Variants in BRWD3 observed in about 807,000 individuals in gnomAD.
The protein encoded by BRWD3 is bromodomain and WD repeat-containing protein 3.
A neutral mutation model predicts 149.7 loss-of-function variants in BRWD3; 10 were observed. That is an observed-to-expected ratio of 0.07 (90% CI 0.04 to 0.11). The LOEUF (loss-of-function observed/expected upper bound fraction) is 0.11. Ranked by LOEUF, BRWD3 falls within the 10% of genes least tolerant of loss-of-function variation. The pLI is 1.00. For synonymous variants in BRWD3, 504 were observed against 456.7 expected, an observed-to-expected ratio of 1.10 and a Z score of -1.32; for missense variants, 940 against 1,373.2, an observed-to-expected ratio of 0.68 and a Z score of 4.99.
chrX:80,733,607 T>C, intron 11 of BRWD3, 111 bp from the exon 12 acceptor site: 3 of 601,986 alleles, frequency 5.0e-6, no homozygotes, highest in East Asian at 3.5e-5. Context: ...TTTTTTTTTT[T>C]TTAATTTCAA....
chrX:80,727,123 C>T (rs900140459), intron 14 of BRWD3, among the ~76,000 whole-genome samples: 6 of 109,527 alleles, frequency 5.5e-5, no homozygotes, highest in African/African-American at 2.0e-4. Flanking sequence ...TTATCATCTG[C>T]CATATTTGTA....
chrX:80,684,414 T>C (rs907897146), intron 36 of BRWD3, among the ~76,000 whole-genome samples: 3 of 111,902 alleles, frequency 2.7e-5, no homozygotes, highest in Non-Finnish European at 3.8e-5. Flanking sequence ...AGAAAATCCA[T>C]AGCCGTTGGC....
intron 11 of BRWD3, among the ~76,000 whole-genome samples, chrX:80,733,857 AAAT>A (rs1339569658): frequency 8.9e-6 from 1 of 111,840 alleles, no homozygotes; most frequent in African/African-American, 3.2e-5. Context: ...GTTTGAAAAT[AAAT>A]CAATCATTTC....
chrX:80,703,836 AC>A (rs1355085553), intron 23 of BRWD3, among the ~76,000 whole-genome samples: 1 of 111,874 alleles, frequency 8.9e-6, no homozygotes, highest in Non-Finnish European at 1.9e-5. Context: ...CTACCTGAAA[AC>A]CATAACTTTT....
chrX:80,731,953 T>C (rs1162852861), intron 12 of BRWD3, among the ~76,000 whole-genome samples: 1 of 97,314 alleles, frequency 1.0e-5, no homozygotes, highest in African/African-American at 3.8e-5. Context: ...GCTAGCTGAA[T>C]CCAAAATTCT....
intron 40 of BRWD3, among the ~76,000 whole-genome samples, chrX:80,678,013 G>C (rs890811860): frequency 3.6e-5 from 4 of 111,240 alleles, no homozygotes; most frequent in Non-Finnish European, 5.7e-5. Context: ...TAGAAAAACA[G>C]TGAGTAGTAG....
intron 6 of BRWD3, among the ~76,000 whole-genome samples, chrX:80,761,157 A>C (rs1316834313): frequency 4.5e-5 from 5 of 112,166 alleles, no homozygotes. Flanking sequence ...ATCCAAATCA[A>C]GAAATTATTA....
chrX:80,712,386 A>G (rs1196799155), intron 20 of BRWD3, among the ~76,000 whole-genome samples: 3 of 110,275 alleles, frequency 2.7e-5, no homozygotes, highest in African/African-American at 9.9e-5. Flanking sequence ...CCTAATCGCG[A>G]GTGATCCGCA....
chrX:80,702,503 C>T (rs2072805515), intron 24 of BRWD3, among the ~76,000 whole-genome samples: 1 of 112,115 alleles, frequency 8.9e-6, no homozygotes, highest in African/African-American at 3.2e-5. Flanking sequence ...TTGATATATG[C>T]CAATAAAATT....
intron 34 of BRWD3, 72 bp downstream of exon 34, chrX:80,687,997 G>T (rs2072557062): frequency 1.3e-6 from 1 of 760,948 alleles, no homozygotes; most frequent in Non-Finnish European, 2.1e-6. Flanking sequence ...CCAAATATGG[G>T]GTTGGTCTTA....
chrX:80,712,513 C>G lies in BRWD3; in HGVS notation c.2326-2936G>C, dbSNP rs759706159. Among the ~76,000 whole-genome samples, 3 of 110,790 alleles carry G rather than the reference C, an allele frequency of 2.7e-5. No individual in the cohort carries two copies. The East Asian group carries it at 8.6e-4, about 32-fold the overall frequency. On this transcript the variant is annotated intron_variant, in intron 20 of 40. Coordinates refer to ENST00000373275, the MANE Select transcript of BRWD3 (RefSeq NM_153252.5). Reference sequence around the variant, plus strand: ...TCGGCTCGCTACAACCTCCACCTCCCAGCCGCCTGCCTTGGCCTCCCAAAG... The same window carrying G: ...TCGGCTCGCTACAACCTCCACCTCCGAGCCGCCTGCCTTGGCCTCCCAAAG...
intron 4 of BRWD3, among the ~76,000 whole-genome samples, chrX:80,794,036 G>A (rs2074210447): frequency 9.0e-6 from 1 of 110,569 alleles, no homozygotes; most frequent in Non-Finnish European, 1.9e-5. Context: ...AAATTAGCCA[G>A]GCGTGGTGCT....
intron 4 of BRWD3, among the ~76,000 whole-genome samples, chrX:80,804,895 C>A (rs1449206707): frequency 1.8e-5 from 2 of 112,234 alleles, no homozygotes; most frequent in Non-Finnish European, 3.8e-5. Context: ...GAAACAATCA[C>A]AACTTCAAAA....
chrX:80,793,496 AAAC>A (rs2074205587), intron 5 of BRWD3, 123 bp downstream of exon 5: 8 of 778,474 alleles, frequency 1.0e-5, no homozygotes, highest in Non-Finnish European at 1.5e-5. Flanking sequence ...AAGAAAACAA[AAAC>A]AACATTGGCA....
At chrX:80,702,105 G>T (rs778504509) in intron 24 of BRWD3, among the ~76,000 whole-genome samples, 1 of 111,904 alleles carries the variant, frequency 8.9e-6, no homozygotes, top group Admixed American at 9.5e-5. Context: ...GACAATGAAG[G>T]CTTAATATTA....
intron 6 of BRWD3, among the ~76,000 whole-genome samples, chrX:80,764,472 ATT>A (rs58148585): frequency 2.0e-5 from 2 of 100,879 alleles, no homozygotes; most frequent in Admixed American, 1.1e-4. Flanking sequence ...CGCCTGGATA[ATT>A]TTTTTTTTTT....
Position 80,774,305 on chromosome X carries a change from C to T in BRWD3, c.430+17549G>A, listed in dbSNP as rs771165731. ...TTTTTGAGACAGGGTCTTGCTCTGT[C>T]ACCCAGGCTGCAGTGTACTGGCACA... On this transcript the variant is annotated intron_variant, in intron 6 of 40. Coordinates refer to ENST00000373275, the MANE Select transcript of BRWD3 (RefSeq NM_153252.5). 5.3e-4 allele frequency among the ~76,000 whole-genome samples: 57 copies of T among 108,334 alleles called. 1 individual carries two copies. Among genetic ancestry groups the T allele is most frequent in the Middle Eastern group, 8.5e-3 (2 of 234 alleles). The allele number at this position is 108,334 out of a possible 115,157, so 94.1% of individuals were successfully genotyped here. A position where few individuals can be genotyped will look rare whatever the true frequency, so the allele number is the denominator to read the frequency against.
chrX:80,755,949 T>C (rs1248310645), intron 6 of BRWD3, among the ~76,000 whole-genome samples: 1 of 111,877 alleles, frequency 8.9e-6, no homozygotes, highest in Non-Finnish European at 1.9e-5. Context: ...GCCAACTGCT[T>C]TGTGTTAAAA....
chrX:80,789,007 A>G (rs1332047110), intron 6 of BRWD3, among the ~76,000 whole-genome samples: 1 of 112,269 alleles, frequency 8.9e-6, no homozygotes, highest in Non-Finnish European at 1.9e-5. Context: ...AAAAATGTAT[A>G]CAATTTGTCA....
Sources: gnomAD v4.1 joint callset for allele counts (sites outside exome capture counted in the v4.1 genomes callset) on GRCh38, gnomAD v4.1.1 for gene constraint, MANE v1.5 for transcripts, NCBI Gene and HGNC (gene_info 2026-07-23, HGNC 2026-07-21) for gene names.